GRM5: variants seen among roughly 807,000 people sequenced by gnomAD.
GRM5 encodes metabotropic glutamate receptor 5.
Under a neutral mutation model 83.1 loss-of-function variants are expected in GRM5, and 19 were observed. The observed-to-expected ratio is 0.23, with a 90% CI of 0.16 to 0.34. The LOEUF is 0.34. Ranked by LOEUF, GRM5 falls within the 10% of genes least tolerant of loss-of-function variation. The pLI, the probability that GRM5 is intolerant of heterozygous loss-of-function variation, is 1.00. For synonymous variants in GRM5, 675 were observed against 633.6 expected, an observed-to-expected ratio of 1.07 and a Z score of -0.98; for missense variants, 1,160 against 1,588.3, an observed-to-expected ratio of 0.73 and a Z score of 4.58.
chr11:88,813,383 T>C (rs1943618044), intron 3 of GRM5, among the ~76,000 whole-genome samples: 1 of 152,204 alleles, frequency 6.6e-6, no homozygotes, highest in African/African-American at 2.4e-5. Flanking sequence ...TTTGCCAAGA[T>C]GTTTCAATCA....
intron 2 of GRM5, among the ~76,000 whole-genome samples, chr11:88,885,450 G>GTTTTTTTTTTTTTTTTTTTTTTTTT (rs61456975): frequency 1.6e-5 from 1 of 62,666 alleles, no homozygotes; most frequent in African/African-American, 5.9e-5. Flanking sequence ...TAGGTACCAT[G>GTTTTTTTTTTTTTTTTTTTTTTTTT]TTTTTTTTTT....
chr11:88,640,900 C>T lies in GRM5; in HGVS notation c.1147+12268G>A, dbSNP rs984726577. Among the ~76,000 whole-genome samples the T allele has an allele frequency of 1.4e-4, 21 of 151,950 alleles. 1 individual carries two copies. The highest frequency in any genetic ancestry group is 2.9e-4 in the Non-Finnish European group (20 of 67,968). ...CTCTCTTTGTAATTTATAGAGATGCCATTAATTAGACATGACTGACAATAC... is the reference window on the plus strand; with the variant it reads ...CTCTCTTTGTAATTTATAGAGATGCTATTAATTAGACATGACTGACAATAC... On this transcript the variant is annotated intron_variant, in intron 4 of 9. Transcript: ENST00000305447.
At chr11:88,536,604 C>G (rs1372738758) in intron 8 of GRM5, among the ~76,000 whole-genome samples, 1 of 152,120 alleles carries the variant, frequency 6.6e-6, no homozygotes, top group Non-Finnish European at 1.5e-5. Context: ...AATTCTGTTC[C>G]CATGTTGGTT....
At position 89,023,044 on chromosome 11, in the gene GRM5, GT is replaced by G. The variant is rs57133030; in HGVS notation, c.661+24167del. ...AATTTTCATGCACGTTTCCAGCTAT[GT>G]TTTTTTCCAAACAGTGATGTATTAT... On this transcript the variant is annotated intron_variant, in intron 2 of 9. Transcript: ENST00000305447. 7.9e-3 allele frequency among the ~76,000 whole-genome samples: 1,207 copies of G among 152,122 alleles called. 10 individuals carry two copies. Among genetic ancestry groups the G allele is most frequent in the African/African-American group, 0.028 (1,142 of 41,502 alleles).
intron 3 of GRM5, among the ~76,000 whole-genome samples, chr11:88,847,798 A>T (rs1944324522): frequency 6.6e-6 from 1 of 152,212 alleles, no homozygotes; most frequent in Admixed American, 6.5e-5. Flanking sequence ...AATGATATGG[A>T]AAGAACTCTA....
intron 3 of GRM5, among the ~76,000 whole-genome samples, chr11:88,760,598 C>T (rs975487853): frequency 3.3e-5 from 5 of 152,002 alleles, no homozygotes; most frequent in African/African-American, 9.7e-5. Flanking sequence ...TTCTCAGTGC[C>T]ATATGGATTC....
chr11:88,890,565 G>A (rs971064054), intron 2 of GRM5, among the ~76,000 whole-genome samples: 9 of 152,102 alleles, frequency 5.9e-5, no homozygotes, highest in Non-Finnish European at 1.3e-4. Context: ...TAATTTTTAA[G>A]AAATAAAAAT....
chr11:88,769,286 A>G (rs1942682578), intron 3 of GRM5, among the ~76,000 whole-genome samples: 1 of 152,086 alleles, frequency 6.6e-6, no homozygotes, highest in Admixed American at 6.6e-5. Flanking sequence ...ACTCATGTTC[A>G]ACTTAATATA....
Position 88,508,530 on chromosome 11 carries a change from G to T in GRM5, c.*62C>A. ...ACCAGGCGACTATGCTTGCCATTGTGTGTGTGTGAACACGGGGGGCTCCGC... is the reference window on the plus strand; with the variant it reads ...ACCAGGCGACTATGCTTGCCATTGTTTGTGTGTGAACACGGGGGGCTCCGC... On this transcript the variant is annotated 3_prime_UTR_variant, in exon 10 of 10. Coordinates refer to ENST00000305447, the MANE Select transcript of GRM5 (RefSeq NM_001143831.3). The surrounding 1 kb of genome is among the most constrained non-coding windows in gnomAD (Gnocchi z 4.2). The T allele has an allele frequency of 7.4e-7, 1 of 1,359,860 alleles. No homozygotes were observed. The highest frequency in any genetic ancestry group is 1.0e-6 in the Non-Finnish European group (1 of 963,756). The allele number at this position is 1,359,860 out of a possible 1,614,324, so 84.2% of individuals were successfully genotyped here.
chr11:88,761,207 C>T (rs377315018), intron 3 of GRM5, among the ~76,000 whole-genome samples: 10 of 152,102 alleles, frequency 6.6e-5, no homozygotes, highest in Non-Finnish European at 5.9e-5. Context: ...CCAGAGAAAT[C>T]GGGCAACAGA....
Position 88,613,129 on chromosome 11 carries a change from T to G in GRM5, c.1148-8165A>C, listed in dbSNP as rs531591360. The stretch of plus-strand genomic sequence containing the variant: ...CTTTATTCCTGAGCACGTGCTCATC[T>G]TAGAATTATGTGCCATGTGCAGACG... On this transcript the variant is annotated intron_variant, in intron 4 of 9. Coordinates refer to ENST00000305447, the MANE Select transcript of GRM5 (RefSeq NM_001143831.3). Among the ~76,000 whole-genome samples, 105 of 152,342 alleles carry G rather than the reference T, an allele frequency of 6.9e-4. 2 individuals are homozygous for G. The Middle Eastern group carries it at 0.01, about 15-fold the overall frequency.
At chr11:88,512,298 G>T (rs866252603) in intron 9 of GRM5, 1 of 154,298 alleles carries the variant, frequency 6.5e-6, no homozygotes, top group Non-Finnish European at 1.5e-5. Context: ...TCTGAATAAC[G>T]TGAAAGTGGA....
intron 3 of GRM5, among the ~76,000 whole-genome samples, chr11:88,824,354 G>A (rs1491002003): frequency 6.6e-6 from 1 of 152,112 alleles, no homozygotes; most frequent in Non-Finnish European, 1.5e-5. Flanking sequence ...TACATGGAAA[G>A]ATTCTTTTAT....
chr11:88,969,073 G>A (rs776405513), intron 2 of GRM5, among the ~76,000 whole-genome samples: 5 of 152,012 alleles, frequency 3.3e-5, no homozygotes, highest in African/African-American at 4.8e-5. Context: ...AAGAGCAATA[G>A]CAATGAATAC....
At chr11:88,784,367 G>C (rs1371816889) in intron 3 of GRM5, among the ~76,000 whole-genome samples, 1 of 152,010 alleles carries the variant, frequency 6.6e-6, no homozygotes, top group African/African-American at 2.4e-5. Context: ...CCCACCATAG[G>C]AATAACTGAT....
chr11:88,999,479 A>G (rs1940299481), intron 2 of GRM5, among the ~76,000 whole-genome samples: 1 of 152,210 alleles, frequency 6.6e-6, no homozygotes, highest in African/African-American at 2.4e-5. Flanking sequence ...CAAAAAACAC[A>G]TGAAAAATTT....
chr11:88,789,626 T>C (rs1943135491), intron 3 of GRM5, among the ~76,000 whole-genome samples: 2 of 152,156 alleles, frequency 1.3e-5, no homozygotes, highest in Admixed American at 1.3e-4. Flanking sequence ...ATTATTCCCT[T>C]GTGGTACCAT....
At chr11:88,677,826 C>T (rs1426525665) in intron 3 of GRM5, among the ~76,000 whole-genome samples, 2 of 152,060 alleles carry the variant, frequency 1.3e-5, no homozygotes, top group Non-Finnish European at 2.9e-5. Context: ...AAGAAAGAGA[C>T]ATCTTATTGA....
At chr11:88,959,528 T>C (rs1180046177) in intron 2 of GRM5, among the ~76,000 whole-genome samples, 1 of 152,162 alleles carries the variant, frequency 6.6e-6, no homozygotes, top group Non-Finnish European at 1.5e-5. Flanking sequence ...TGTCAAATTC[T>C]AAAGTAAACA....
Sources: gnomAD v4.1 joint callset for allele counts (sites outside exome capture counted in the v4.1 genomes callset) on GRCh38, gnomAD v4.1.1 for gene constraint, Gnocchi (gnomAD v3.1) non-coding constraint, MANE v1.5 for transcripts, NCBI Gene and HGNC (gene_info 2026-07-23, HGNC 2026-07-21) for gene names.